ERBB3: variants seen among roughly 807,000 people sequenced by gnomAD.
The protein encoded by ERBB3 is erb-b2 receptor tyrosine kinase 3.
In ERBB3, 96 loss-of-function variants were observed where a neutral mutation model predicts 156.7. The observed-to-expected ratio is 0.61, with a 90% CI of 0.52 to 0.73. The LOEUF (loss-of-function observed/expected upper bound fraction) is 0.73, where lower values mean the gene tolerates loss of function less well. ERBB3 is among the 30% of genes least tolerant of loss of function. ERBB3 has a pLI of 0.00. For synonymous variants in ERBB3, 567 were observed against 632.0 expected (o/e 0.90, Z 1.54); for missense variants, 1,406 against 1,709.4 (o/e 0.82, Z 3.13).
chr12:56,095,358 GGA>G (rs1284364990), intron 16 of ERBB3, 48 bp downstream of exon 16: 1 of 1,485,390 alleles, frequency 6.7e-7, no homozygotes, highest in South Asian at 1.1e-5. Context: ...TTGGGAGTTG[GGA>G]GAGAGGTGGT....
intron 26 of ERBB3, 138 bp downstream of exon 26, chr12:56,100,383 T>C: frequency 1.3e-6 from 1 of 755,698 alleles, no homozygotes; most frequent in Non-Finnish European, 2.4e-6. Context: ...GGCTCACACC[T>C]GTAATCCCAG....
intron 15 of ERBB3, 52 bp from the exon 16 acceptor site, chr12:56,095,205 T>C: frequency 1.5e-6 from 2 of 1,362,862 alleles, no homozygotes; most frequent in South Asian, 1.2e-5. Context: ...GCTGTTGAAA[T>C]TGAGCCTCTG....
chr12:56,090,894 A>G (rs965451022), intron 9 of ERBB3, among the ~76,000 whole-genome samples: 4 of 152,132 alleles, frequency 2.6e-5, no homozygotes, highest in African/African-American at 9.7e-5. Context: ...TATCTAAGCT[A>G]CAGACCTTAT....
chr12:56,093,509 A>T lies in ERBB3; in HGVS notation c.1439A>T (p.Glu480Val), dbSNP rs2136810052. 1.2e-6 allele frequency: 2 copies of T among 1,613,698 alleles called. No homozygotes were observed. The highest frequency in any genetic ancestry group is 1.1e-5 in the South Asian group (1 of 91,074). Residue 480 changes from glutamate (E) to valine (V), a missense_variant, in exon 12 of 28, where the codon GAG (glutamate) becomes GTG (valine). Around this residue, in one of 3 missense-constraint regions of ERBB3, gnomAD observed 979 missense variants for 1,219.6 expected, o/e 0.80. Transcript: ENST00000267101. ...WTKVLRGPTE[E>V]RLDIKHNRPR... Reference sequence around the variant, plus strand: ...AAGGTGCTTCGGGGGCCTACGGAAGAGCGACTAGACATCAAGCATAATCGG... The same window carrying T: ...AAGGTGCTTCGGGGGCCTACGGAAGTGCGACTAGACATCAAGCATAATCGG...
Position 56,085,126 on chromosome 12 carries a change from C to G in ERBB3, c.366C>G (p.Asn122Lys). 6.2e-7 allele frequency: 1 copy of G among 1,614,122 alleles called. No homozygotes were observed. Among genetic ancestry groups the G allele is most frequent in the Non-Finnish European group, 8.5e-7 (1 of 1,180,016 alleles). Residue 122 changes from asparagine (N) to lysine (K), a missense_variant, in exon 3 of 28, where the codon AAC becomes AAG. By Grantham distance (94) the Asn-to-Lys change is moderately conservative (BLOSUM62 0). This residue lies in a region of ERBB3 where 979 missense variants were observed against 1,219.6 expected (regional missense o/e 0.80). Transcript: ENST00000267101. Reference sequence around the variant, plus strand: ...AGTTTGCCATCTTCGTCATGTTGAACTATAACACCAACTCCAGCCACGCTC... The same window carrying G: ...AGTTTGCCATCTTCGTCATGTTGAAGTATAACACCAACTCCAGCCACGCTC... ...DGKFAIFVML[N>K]YNTNSSHALR...
intron 7 of ERBB3, 67 bp downstream of exon 7, chr12:56,088,229 G>A (rs1868552525): frequency 6.4e-7 from 1 of 1,565,402 alleles, no homozygotes; most frequent in Non-Finnish European, 8.8e-7. Context: ...CAAAATTGTG[G>A]AAGGGAAAAA....
chr12:56,092,609 C>G, intron 9 of ERBB3, 138 bp from the exon 10 acceptor site: 1 of 721,784 alleles, frequency 1.4e-6, no homozygotes, highest in South Asian at 1.5e-5. Context: ...TATATTTCCC[C>G]CATCCCAGCC....
chr12:56,089,425 G>A (rs1020958359), intron 9 of ERBB3, among the ~76,000 whole-genome samples: 5 of 152,080 alleles, frequency 3.3e-5, no homozygotes, highest in Non-Finnish European at 7.4e-5. Flanking sequence ...TTAAAGTTTT[G>A]TAAAAGTTCT....
Position 56,097,182 on chromosome 12 carries a change from G to A in ERBB3, c.2412G>A (p.Gly804=), listed in dbSNP as rs1025939804. 4 of 1,613,952 alleles carry A rather than the reference G, an allele frequency of 2.5e-6. No homozygotes were observed. Among genetic ancestry groups the A allele is most frequent in the African/African-American group, 1.3e-5 (1 of 74,868 alleles). ...TGGATCATGTGAGACAACACCGGGG[G>A]GCACTGGGGCCACAGCTGCTGCTCA... The part of the protein sequence containing the change: ...SLLDHVRQHR[G]ALGPQLLLNW... The change falls in exon 20 of 28, where the codon GGG becomes GGA. Residue 804 remains glycine, a synonymous_variant. Transcript: ENST00000267101.
At position 56,097,350 on chromosome 12, in the gene ERBB3, TACCAGTCCATGGCCTGTTAGGA is replaced by T. The variant is rs1868923002; in HGVS notation, c.2460+126_2460+147del. On this transcript the variant is annotated intron_variant, in intron 20 of 27. Transcript: ENST00000267101. ...CCCCAACCCCCGGGCTGCAGACTGG[TACCAGTCCATGGCCTGTTAGGA>T]ACCAGGCCACAGAGCATGTGAGCGG... 4 of 907,764 alleles carry T rather than the reference TACCAGTCCATGGCCTGTTAGGA, an allele frequency of 4.4e-6. No individual in the cohort carries two copies. The South Asian group carries it at 5.6e-5, about 13-fold the overall frequency. The allele number at this position is 907,764 out of a possible 1,614,324, so 56.2% of individuals were successfully genotyped here.
chr12:56,101,896 A>G lies in ERBB3; in HGVS notation c.3870A>G (p.Glu1290=). 1 of 1,613,546 alleles carries G rather than the reference A, an allele frequency of 6.2e-7. No homozygotes were observed. The highest frequency in any genetic ancestry group is 1.1e-5 in the South Asian group (1 of 91,042). The change falls in exon 28 of 28, where the codon GAA becomes GAG. Residue 1290 remains glutamate, a synonymous_variant. Coordinates refer to ENST00000267101, the MANE Select transcript of ERBB3 (RefSeq NM_001982.4). ...GCCCAGCATCTGAGCAAGGGTATGAAGAGATGAGAGCTTTTCAGGGGCCTG... is the reference window on the plus strand; with the variant it reads ...GCCCAGCATCTGAGCAAGGGTATGAGGAGATGAGAGCTTTTCAGGGGCCTG... ...GACPASEQGY[E]EMRAFQGPGH...
At chr12:56,100,535 A>C (rs1869054398) in intron 26 of ERBB3, among the ~76,000 whole-genome samples, 1 of 151,690 alleles carries the variant, frequency 6.6e-6, no homozygotes, top group Non-Finnish European at 1.5e-5. Context: ...ACAGCTACTC[A>C]GGAGGCTGAG....
At chr12:56,089,703 C>T (rs1479356260) in intron 9 of ERBB3, among the ~76,000 whole-genome samples, 1 of 151,766 alleles carries the variant, frequency 6.6e-6, no homozygotes, top group African/African-American at 2.4e-5. Context: ...CGAGATTACA[C>T]CACCGCACTC....
intron 15 of ERBB3, 138 bp from the exon 16 acceptor site, chr12:56,095,119 G>A: frequency 1.4e-6 from 1 of 721,458 alleles, no homozygotes; most frequent in South Asian, 1.5e-5. Context: ...GGAGGTGGAG[G>A]CCATGTCTTG....
At chr12:56,084,214 C>A (rs182284622) in intron 2 of ERBB3, among the ~76,000 whole-genome samples, 63 of 152,178 alleles carry the variant, frequency 4.1e-4, no homozygotes, top group Non-Finnish European at 8.1e-4. Context: ...GAGGAAGGGG[C>A]CCTACTGGTA....
At chr12:56,098,313 G>A (rs1169021886) in intron 21 of ERBB3, 187 bp from the exon 22 acceptor site, 23 of 610,250 alleles carry the variant, frequency 3.8e-5, no homozygotes, top group Non-Finnish European at 6.4e-5. Flanking sequence ...TCGGGAGGCT[G>A]AGGCAGGAGA....
At chr12:56,094,225 G>C in intron 14 of ERBB3, 36 bp downstream of exon 14, 1 of 1,559,004 alleles carries the variant, frequency 6.4e-7, no homozygotes, top group South Asian at 1.1e-5. Flanking sequence ...AAGGGAGACA[G>C]AGAAGGGGCA....
chr12:56,083,307 T>G (rs1868378523), intron 1 of ERBB3: 2 of 315,572 alleles, frequency 6.3e-6, no homozygotes, highest in South Asian at 5.7e-5. Flanking sequence ...TGTGTACTAG[T>G]CCCAAAGAGA....
In ERBB3 at chr12:56,100,161, T is replaced by G. The variant is rs773838967; in HGVS notation, c.3130-13T>G. On this transcript the variant is annotated splice_polypyrimidine_tract_variant and intron_variant, in intron 25 of 27. Transcript: ENST00000267101. The stretch of plus-strand genomic sequence containing the variant: ...CCCTTCATCTTAACCTTTTCCTTAT[T>G]TTTTCATCCTAGAGCCAGAGCCTTT... The G allele has an allele frequency of 6.2e-7, 1 of 1,613,208 alleles. No homozygotes were observed. The highest frequency in any genetic ancestry group is 8.5e-7 in the Non-Finnish European group (1 of 1,179,164).
Sources: allele counts gnomAD v4.1 joint callset (sites outside exome capture counted in the v4.1 genomes callset), GRCh38; gene constraint gnomAD v4.1.1; regional missense constraint gnomAD v4.1.1; transcripts MANE v1.5; gene names NCBI Gene and HGNC (gene_info 2026-07-23, HGNC 2026-07-21).